The following DCC variants were observed in gnomAD, a reference collection of about 807,000 sequenced individuals.
DCC encodes the protein DCC netrin 1 receptor, also known as netrin receptor DCC.
A neutral mutation model predicts 172.5 loss-of-function variants in DCC; 58 were observed. The ratio of observed to expected loss-of-function variants is 0.34; its 90% CI spans 0.27 to 0.42. The LOEUF (loss-of-function observed/expected upper bound fraction) is 0.42, where lower values mean the gene tolerates loss of function less well. Among genes scored for constraint, DCC ranks in the 10% least tolerant of loss-of-function variants. The pLI, the probability that DCC is intolerant of heterozygous loss-of-function variation, is 1.00. For synonymous variants in DCC, 709 were observed against 644.5 expected (o/e 1.10, Z -1.52); for missense variants, 1,740 against 1,791.0 (o/e 0.97, Z 0.51).
intron 1 of DCC, among the ~76,000 whole-genome samples, chr18:52,726,062 C>T (rs1230522186): frequency 3.9e-5 from 6 of 152,184 alleles, no homozygotes; most frequent in Admixed American, 2.0e-4. Flanking sequence ...ACACTGATAG[C>T]AAGTGATCAC....
At chr18:53,337,242 A>G (rs2057601978) in intron 14 of DCC, among the ~76,000 whole-genome samples, 1 of 152,230 alleles carries the variant, frequency 6.6e-6, no homozygotes, top group Admixed American at 6.5e-5. Context: ...TGTCATTAAA[A>G]TCATTATGAT....
At chr18:53,263,297 GC>G (rs1243483256) in intron 12 of DCC, among the ~76,000 whole-genome samples, 3 of 151,996 alleles carry the variant, frequency 2.0e-5, no homozygotes. Flanking sequence ...GATTACAGGT[GC>G]CTGCCACCAT....
chr18:52,366,037 A>G (rs1248428349), intron 1 of DCC, among the ~76,000 whole-genome samples: 2 of 152,180 alleles, frequency 1.3e-5, no homozygotes, highest in African/African-American at 2.4e-5. Flanking sequence ...ACAACTCTAT[A>G]TATTACTTGA....
intron 8 of DCC, among the ~76,000 whole-genome samples, chr18:53,164,581 G>T (rs2054889274): frequency 6.6e-6 from 1 of 152,022 alleles, no homozygotes; most frequent in African/African-American, 2.4e-5. Flanking sequence ...TGTGACTTTG[G>T]GCCAATTACT....
intron 2 of DCC, among the ~76,000 whole-genome samples, chr18:52,901,384 C>T (rs1410642617): frequency 1.3e-5 from 2 of 151,910 alleles, no homozygotes; most frequent in East Asian, 1.9e-4. Flanking sequence ...GAGCTGAGAT[C>T]GTGCCAACAC....
chr18:53,331,073 G>A (rs997600719), intron 14 of DCC, among the ~76,000 whole-genome samples: 2 of 152,174 alleles, frequency 1.3e-5, no homozygotes, highest in Non-Finnish European at 2.9e-5. Context: ...TCAGATAAAT[G>A]AGCTAGAAAC....
chr18:52,474,234 G>GAGAGAGAGAGAGAGAGAA (rs1989029503), intron 1 of DCC, among the ~76,000 whole-genome samples: 1 of 127,172 alleles, frequency 7.9e-6, no homozygotes, highest in African/African-American at 2.7e-5. Flanking sequence ...GAGAGAGAGA[G>GAGAGAGAGAGAGAGAGAA]AGAGAGAGAA....
intron 1 of DCC, among the ~76,000 whole-genome samples, chr18:52,652,161 A>G (rs1353137376): frequency 6.8e-6 from 1 of 147,592 alleles, no homozygotes; most frequent in Non-Finnish European, 1.5e-5. Context: ...GAGAGTTTTT[A>G]TCCCTGTAGT....
At chr18:53,163,166 T>C (rs1365598114) in intron 8 of DCC, among the ~76,000 whole-genome samples, 1 of 152,216 alleles carries the variant, frequency 6.6e-6, no homozygotes, top group Non-Finnish European at 1.5e-5. Context: ...TATTCATAAT[T>C]TCATGCTCAA....
In DCC at chr18:53,391,773, T is replaced by C; in HGVS notation, c.2574T>C (p.Asp858=). ...VGVQAVALTH[D]AVRVSWADNS... ...TACAGGCTGTGGCTCTTACCCATGATGCTGTGAGGGTCAGCTGGGCAGACA... is the reference window on the plus strand; with the variant it reads ...TACAGGCTGTGGCTCTTACCCATGACGCTGTGAGGGTCAGCTGGGCAGACA... Residue 858 remains aspartate (D), a synonymous_variant, in exon 17 of 29, where the codon GAT becomes GAC. Transcript: ENST00000442544. The C allele has an allele frequency of 6.2e-7, 1 of 1,614,030 alleles. No homozygotes were observed. The highest frequency in any genetic ancestry group is 8.5e-7 in the Non-Finnish European group (1 of 1,179,874).
intron 2 of DCC, among the ~76,000 whole-genome samples, chr18:52,773,704 T>G (rs142039894): frequency 0.034 from 5,207 of 152,220 alleles, 129 homozygotes; most frequent in Admixed American, 0.048. Flanking sequence ...TTTGTTTGTA[T>G]TTTTAGTAGA....
intron 1 of DCC, among the ~76,000 whole-genome samples, chr18:52,661,157 C>T (rs942206764): frequency 1.9e-4 from 29 of 152,172 alleles, no homozygotes; most frequent in African/African-American, 6.0e-4. Context: ...AACTACAACT[C>T]GCTGCTGAAC....
chr18:53,223,912 G>A (rs2055981761), intron 12 of DCC, among the ~76,000 whole-genome samples: 3 of 152,038 alleles, frequency 2.0e-5, no homozygotes, highest in Admixed American at 2.0e-4. Context: ...GGTATTTTGT[G>A]CCTGGCAATG....
intron 2 of DCC, among the ~76,000 whole-genome samples, chr18:52,847,920 A>C (rs1189473265): frequency 6.6e-6 from 1 of 152,090 alleles, no homozygotes; most frequent in Admixed American, 6.5e-5. Context: ...TGGTTTCTCC[A>C]GTTTTGGTAT....
chr18:52,725,930 CAA>C (rs1032483114), intron 1 of DCC, among the ~76,000 whole-genome samples: 8 of 152,186 alleles, frequency 5.3e-5, no homozygotes, highest in African/African-American at 1.9e-4. Flanking sequence ...TTACACTTTT[CAA>C]AATCTTCTTA....
intron 2 of DCC, among the ~76,000 whole-genome samples, chr18:52,753,459 G>T (rs2037031125): frequency 6.6e-6 from 1 of 152,092 alleles, no homozygotes; most frequent in East Asian, 1.9e-4. Context: ...AAAAATATTA[G>T]AAAATATAAT....
At chr18:53,425,336 A>G (rs2145086679) in intron 21 of DCC, among the ~76,000 whole-genome samples, 1 of 143,444 alleles carries the variant, frequency 7.0e-6, no homozygotes, top group East Asian at 2.0e-4. Flanking sequence ...TTCTGTCCAC[A>G]ATTTTCCCCG....
intron 1 of DCC, among the ~76,000 whole-genome samples, chr18:52,521,340 T>G (rs2031807880): frequency 6.6e-6 from 1 of 152,172 alleles, no homozygotes; most frequent in Non-Finnish European, 1.5e-5. Flanking sequence ...TTTAAGGCTG[T>G]TTTAGTCATC....
At chr18:53,269,559 C>G (rs570482895) in intron 12 of DCC, among the ~76,000 whole-genome samples, 59 of 152,228 alleles carry the variant, frequency 3.9e-4, no homozygotes, top group African/African-American at 1.3e-3. Context: ...GAATAATAGT[C>G]GTAATATTAA....
Sources: gnomAD v4.1 joint callset for allele counts (sites outside exome capture counted in the v4.1 genomes callset) on GRCh38, gnomAD v4.1.1 for gene constraint, MANE v1.5 for transcripts, NCBI Gene and HGNC (gene_info 2026-07-23, HGNC 2026-07-21) for gene names.